The following GPR158 variants were observed in gnomAD, a reference collection of about 807,000 sequenced individuals.
GPR158 encodes metabotropic glycine receptor.
Under a neutral mutation model 78.2 loss-of-function variants are expected in GPR158, and 30 were observed. The observed-to-expected ratio is 0.38, with a 90% CI of 0.29 to 0.52. GPR158 has a LOEUF of 0.52. Among genes scored for constraint, GPR158 ranks in the 20% least tolerant of loss-of-function variants. GPR158 has a pLI of 0.83. For missense variants in GPR158, 1,463 were observed against 1,523.5 expected, an observed-to-expected ratio of 0.96 and a Z score of 0.66; for synonymous variants, 581 against 591.1, an observed-to-expected ratio of 0.98 and a Z score of 0.25.
intron 2 of GPR158, among the ~76,000 whole-genome samples, chr10:25,237,166 A>T (rs902189237): frequency 6.6e-6 from 1 of 152,136 alleles, no homozygotes; most frequent in Non-Finnish European, 1.5e-5. Flanking sequence ...TTTCATCACT[A>T]ATTTATCTTA....
At chr10:25,500,978 T>TA (rs1181776884) in intron 5 of GPR158, among the ~76,000 whole-genome samples, 1 of 152,192 alleles carries the variant, frequency 6.6e-6, no homozygotes, top group Non-Finnish European at 1.5e-5. Flanking sequence ...AAATGTGCTT[T>TA]AAGAGTCAAA....
intron 1 of GPR158, among the ~76,000 whole-genome samples, chr10:25,189,228 A>G (rs903139149): frequency 7.2e-5 from 11 of 152,216 alleles, no homozygotes; most frequent in African/African-American, 2.4e-4. Context: ...TAGTGTGGCA[A>G]TTCCTCAAGG....
At chr10:25,497,089 C>T (rs1835891916) in intron 5 of GPR158, among the ~76,000 whole-genome samples, 1 of 151,996 alleles carries the variant, frequency 6.6e-6, no homozygotes, top group South Asian at 2.1e-4. Context: ...GATAGGAGCT[C>T]CAAGCATATT....
chr10:25,512,726 A>ACTTTTTTTTTTTTTTTTTTTTTTTTTT (rs1836101676), intron 5 of GPR158, among the ~76,000 whole-genome samples: 1 of 147,054 alleles, frequency 6.8e-6, no homozygotes, highest in African/African-American at 2.7e-5. Flanking sequence ...CTTTGCTGAG[A>ACTTTTTTTTTTTTTTTTTTTTTTTTTT]GTTTTAATCA....
At position 25,325,495 on chromosome 10, in the gene GPR158, C is replaced by T. The variant is rs571232606; in HGVS notation, c.1009-70416C>T. On this transcript the variant is annotated intron_variant, in intron 2 of 10. Transcript: ENST00000376351. Reference sequence around the variant, plus strand: ...CACACACACACACACACACACACTACGTTTGCTTTATCCATTCATCTATCC... The same window carrying T: ...CACACACACACACACACACACACTATGTTTGCTTTATCCATTCATCTATCC... Among the ~76,000 whole-genome samples, 17 of 149,258 alleles carry T rather than the reference C, an allele frequency of 1.1e-4. No homozygotes were observed. In the South Asian group the frequency reaches 2.3e-3, roughly 20 times the overall value.
intron 2 of GPR158, among the ~76,000 whole-genome samples, chr10:25,330,944 T>C (rs1159669123): frequency 6.6e-6 from 1 of 152,222 alleles, no homozygotes; most frequent in African/African-American, 2.4e-5. Context: ...TAAAATATTT[T>C]GTTTATTTAC....
intron 2 of GPR158, among the ~76,000 whole-genome samples, chr10:25,352,383 GAAAT>G (rs1218937363): frequency 1.3e-5 from 2 of 151,962 alleles, no homozygotes; most frequent in African/African-American, 4.8e-5. Context: ...AATAAGCAGA[GAAAT>G]AAATTTATGC....
chr10:25,468,968 G>A (rs892058362), intron 5 of GPR158, among the ~76,000 whole-genome samples: 1 of 152,148 alleles, frequency 6.6e-6, no homozygotes, highest in South Asian at 2.1e-4. Context: ...CAAGTTTAGG[G>A]AATAAAATAT....
chr10:25,470,330 A>G (rs1043741678), intron 5 of GPR158, among the ~76,000 whole-genome samples: 3 of 152,106 alleles, frequency 2.0e-5, no homozygotes, highest in African/African-American at 7.2e-5. Flanking sequence ...GCCCTCATGT[A>G]TGGGTGAATG....
intron 3 of GPR158, among the ~76,000 whole-genome samples, chr10:25,397,575 A>AAATCTTTCT (rs1834379503): frequency 6.6e-6 from 1 of 152,168 alleles, no homozygotes; most frequent in Non-Finnish European, 1.5e-5. Context: ...ATTTTTATAC[A>AAATCTTTCT]GTTCTTTTTC....
At chr10:25,271,234 G>T (rs147888873) in intron 2 of GPR158, among the ~76,000 whole-genome samples, 1 of 152,096 alleles carries the variant, frequency 6.6e-6, no homozygotes, top group African/African-American at 2.4e-5. Flanking sequence ...TGTTATCCCT[G>T]TTACTTGCTT....
chr10:25,195,531 C>A (rs1054378330), intron 1 of GPR158, among the ~76,000 whole-genome samples: 4 of 152,244 alleles, frequency 2.6e-5, no homozygotes, highest in East Asian at 1.9e-4. Context: ...ATCAATCATT[C>A]CATTTGTTAA....
At chr10:25,323,882 T>G (rs1854990925) in intron 2 of GPR158, among the ~76,000 whole-genome samples, 1 of 152,202 alleles carries the variant, frequency 6.6e-6, no homozygotes, top group Non-Finnish European at 1.5e-5. Flanking sequence ...TGCTTCACCT[T>G]GCACTTTTAT....
At chr10:25,342,868 C>T (rs187431749) in intron 2 of GPR158, among the ~76,000 whole-genome samples, 60 of 150,550 alleles carry the variant, frequency 4.0e-4, no homozygotes, top group East Asian at 3.0e-3. Flanking sequence ...AGAAGCTTAA[C>T]GTTTCTGGTT....
At chr10:25,345,547 A>C (rs953666839) in intron 2 of GPR158, among the ~76,000 whole-genome samples, 1 of 152,032 alleles carries the variant, frequency 6.6e-6, no homozygotes, top group Admixed American at 6.6e-5. Flanking sequence ...TTGCCGACTA[A>C]ACATGGAGAG....
intron 2 of GPR158, among the ~76,000 whole-genome samples, chr10:25,247,223 C>G (rs1462157618): frequency 6.6e-6 from 1 of 152,016 alleles, no homozygotes; most frequent in Non-Finnish European, 1.5e-5. Flanking sequence ...ACTATCTTAT[C>G]AAATACCTTC....
intron 4 of GPR158, among the ~76,000 whole-genome samples, chr10:25,455,844 G>A (rs1835284129): frequency 6.6e-6 from 1 of 152,130 alleles, no homozygotes; most frequent in Admixed American, 6.6e-5. Flanking sequence ...CAGGATGTTA[G>A]CTAATTAATA....
At chr10:25,302,831 AT>A (rs892765484) in intron 2 of GPR158, among the ~76,000 whole-genome samples, 4 of 152,312 alleles carry the variant, frequency 2.6e-5, no homozygotes, top group Non-Finnish European at 5.9e-5. Flanking sequence ...AAATGTGGTT[AT>A]TGAGCAAGGA....
chr10:25,511,285 C>T (rs1836082273), intron 5 of GPR158, among the ~76,000 whole-genome samples: 1 of 152,000 alleles, frequency 6.6e-6, no homozygotes, highest in South Asian at 2.1e-4. Flanking sequence ...TTTTTATTTC[C>T]CTGATCATTA....
Sources: allele counts gnomAD v4.1 joint callset (sites outside exome capture counted in the v4.1 genomes callset), GRCh38; gene constraint gnomAD v4.1.1; transcripts MANE v1.5; gene names NCBI Gene and HGNC (gene_info 2026-07-23, HGNC 2026-07-21).